PREB: variants seen among roughly 807,000 people sequenced by gnomAD.
PREB encodes guanine nucleotide-exchange factor SEC12.
In PREB, 29 loss-of-function variants were observed where a neutral mutation model predicts 46.7. The ratio of observed to expected loss-of-function variants is 0.62; its 90% CI spans 0.46 to 0.85. PREB has a LOEUF of 0.85. Among genes scored for constraint, PREB ranks in the 40% least tolerant of loss-of-function variants. PREB has a pLI of 0.00. For missense variants in PREB, 494 were observed against 528.4 expected (o/e 0.93, Z 0.64); for synonymous variants, 224 against 220.1 (o/e 1.02, Z -0.16).
At position 27,131,793 on chromosome 2, in the gene PREB, C is replaced by T; in HGVS notation, c.1038G>A (p.Val346=). ...TCTCAGGTAGAAAGGCCACATCCGTCACCACAATGCCATGGGCCTCCCTCA... is the reference window on the plus strand; with the variant it reads ...TCTCAGGTAGAAAGGCCACATCCGTTACCACAATGCCATGGGCCTCCCTCA... ...YYVREAHGIV[V]TDVAFLPEKG... is the part of the protein sequence containing the mutation. The change falls in exon 8 of 9, where the codon GTG becomes GTA. Residue 346 remains valine, a synonymous_variant. Coordinates refer to ENST00000260643, the MANE Select transcript of PREB (RefSeq NM_013388.6). 6.2e-7 allele frequency: 1 copy of T among 1,614,196 alleles called. No homozygotes were observed. The highest frequency in any genetic ancestry group is 8.5e-7 in the Non-Finnish European group (1 of 1,180,034).
Position 27,133,524 on chromosome 2 carries a change from C to T in PREB, c.325+8G>A. ...TTTCCCCAAGGGGGTAGAGAGGGAG[C>T]TCCTCACCGGCCTTCTCTGCCTTGT... On this transcript the variant is annotated splice_region_variant and intron_variant, in intron 2 of 8. Coordinates refer to ENST00000260643, the MANE Select transcript of PREB (RefSeq NM_013388.6). The T allele has an allele frequency of 6.2e-7, 1 of 1,611,732 alleles. No individual in the cohort carries two copies. Among genetic ancestry groups the T allele is most frequent in the East Asian group, 2.2e-5 (1 of 44,862 alleles).
chr2:27,133,952 T>TA, intron 1 of PREB: 3 of 612,332 alleles, frequency 4.9e-6, no homozygotes, highest in Admixed American at 6.3e-5. Context: ...GAACTTAGCC[T>TA]AAACCCAAAT....
At position 27,132,533 on chromosome 2, in the gene PREB, CCA is replaced by C. The variant is rs377374274; in HGVS notation, c.752+68_752+69del. 2.4e-3 allele frequency: 3,837 copies of C among 1,605,696 alleles called. 15 individuals are homozygous for C. The highest frequency in any genetic ancestry group is 2.1e-3 in the Non-Finnish European group (2,473 of 1,175,352). ...AAGTTCCTCCCCAGCTCTCCCATCC[CCA>C]GTCTTTTCCCTCTCCCCCACCACAG... is the stretch of plus-strand genomic sequence containing the variant. On this transcript the variant is annotated intron_variant, in intron 5 of 8. Coordinates refer to ENST00000260643, the MANE Select transcript of PREB (RefSeq NM_013388.6). This position sits in a 1 kb window ranked among gnomAD's most constrained non-coding sequence, Gnocchi z 4.0.
chr2:27,132,142 C>T lies in PREB; in HGVS notation c.927-60G>A. 2 of 1,609,128 alleles carry T rather than the reference C, an allele frequency of 1.2e-6. No homozygotes were observed. The highest frequency in any genetic ancestry group is 3.3e-5 in the Admixed American group (2 of 60,020). On this transcript the variant is annotated intron_variant, in intron 6 of 8. Transcript: ENST00000260643. The surrounding 1 kb of genome is among the most constrained non-coding windows in gnomAD (Gnocchi z 4.0). Reference sequence around the variant, plus strand: ...GGCTTGTGCAGCAACCCTCATACCCCAATACCGGTCCGTAGGGACCCAGGC... The same window carrying T: ...GGCTTGTGCAGCAACCCTCATACCCTAATACCGGTCCGTAGGGACCCAGGC...
At chr2:27,133,036 C>T (rs1672348781) in intron 3 of PREB, 81 bp downstream of exon 3, 4 of 1,584,910 alleles carry the variant, frequency 2.5e-6, no homozygotes, top group Non-Finnish European at 2.6e-6. Context: ...TCACAAGTTT[C>T]CCAGATGCCA....
chr2:27,132,787 A>G lies in PREB; in HGVS notation c.627+56T>C. ...TAGGGGATCCACTTACTGGGCAAGCAGCATAAGCACCTCCTCTCTCCTTTC... is the reference window on the plus strand; with the variant it reads ...TAGGGGATCCACTTACTGGGCAAGCGGCATAAGCACCTCCTCTCTCCTTTC... On this transcript the variant is annotated intron_variant, in intron 4 of 8. Transcript: ENST00000260643. The surrounding 1 kb of genome is among the most constrained non-coding windows in gnomAD (Gnocchi z 4.0). 1 of 1,613,374 alleles carries G rather than the reference A, an allele frequency of 6.2e-7. No individual in the cohort carries two copies. Among genetic ancestry groups the G allele is most frequent in the Non-Finnish European group, 8.5e-7 (1 of 1,179,338 alleles).
intron 3 of PREB, 55 bp downstream of exon 3, chr2:27,133,062 A>C: frequency 6.3e-7 from 1 of 1,596,970 alleles, no homozygotes; most frequent in Non-Finnish European, 8.6e-7. Context: ...AACTTCTCAC[A>C]ATTTTGATCC....
chr2:27,133,022 TCATTCACAAGTTTCC>T, intron 3 of PREB, 80 bp downstream of exon 3: 1 of 1,580,744 alleles, frequency 6.3e-7, no homozygotes, highest in Non-Finnish European at 8.7e-7. Context: ...AATGCAAGCT[TCATTCACAAGTTTCC>T]CAGATGCCAC....
At position 27,133,262 on chromosome 2, in the gene PREB, T is replaced by A; in HGVS notation, c.401A>T (p.His134Leu). The A allele has an allele frequency of 6.2e-7, 1 of 1,614,216 alleles. No homozygotes were observed. The highest frequency in any genetic ancestry group is 8.5e-7 in the Non-Finnish European group (1 of 1,180,034). Reference protein sequence around the residue: ...AEKKCGAETQHEGLELRVENL... With the variant: ...AEKKCGAETQLEGLELRVENL... ...CTCTACCCTGAGTTCTAGCCCCTCG[T>A]GCTGGGTTTCCGCTCCACATTTCTT... The change falls in exon 3 of 9, where the codon CAC (histidine) becomes CTC (leucine). Residue 134 changes from histidine to leucine, a missense_variant. His to Leu is a moderately conservative substitution (Grantham distance 99, BLOSUM62 -3). Coordinates refer to ENST00000260643, the MANE Select transcript of PREB (RefSeq NM_013388.6).
At position 27,134,064 on chromosome 2, in the gene PREB, G is replaced by T. The variant is rs189255185; in HGVS notation, c.135+223C>A. 2.1e-5 allele frequency: 14 copies of T among 669,486 alleles called. No homozygotes were observed. In the African/African-American group the frequency reaches 2.2e-4, roughly 11 times the overall value. 41.5% of individuals were successfully genotyped at this position (669,486 alleles called of 1,614,324 possible). A position where few individuals can be genotyped will look rare whatever the true frequency, so the allele number is the denominator to read the frequency against. On this transcript the variant is annotated intron_variant, in intron 1 of 8. Transcript: ENST00000260643. ...GAGGCGGAGCTGAAGCGTTCCTGGCGACTCTGCAGCTGTGTGCAGTTTTCA... is the reference window on the plus strand; with the variant it reads ...GAGGCGGAGCTGAAGCGTTCCTGGCTACTCTGCAGCTGTGTGCAGTTTTCA...
chr2:27,133,902 C>A lies in PREB; in HGVS notation c.136-181G>T, dbSNP rs1428638436. ...CAGTGAGCAGGACTGGGATTATTAC[C>A]TCTATTTTACAGAACAGGGTGAAGC... On this transcript the variant is annotated intron_variant, in intron 1 of 8. Coordinates refer to ENST00000260643, the MANE Select transcript of PREB (RefSeq NM_013388.6). The A allele has an allele frequency of 6.2e-6, 4 of 650,000 alleles. No individual in the cohort carries two copies. The Admixed American group carries it at 1.2e-4, about 19-fold the overall frequency. 40.3% of individuals were successfully genotyped at this position (650,000 alleles called of 1,614,324 possible).
In PREB at chr2:27,133,326, G is replaced by T; in HGVS notation, c.337C>A (p.Gln113Lys). The stretch of plus-strand genomic sequence containing the variant: ...GCTCCCTTCCTTTGTCGAGGCCCCT[G>T]CTCCTTGGAACCTGTAACACAAACA... The part of the protein sequence containing the change: ...NKAEKAGSKE[Q>K]GPRQRKGAAP... The change falls in exon 3 of 9, where the codon CAG becomes AAG. Residue 113 changes from glutamine (Q) to lysine (K), a missense_variant. Transcript: ENST00000260643. 1 of 1,614,038 alleles carries T rather than the reference G, an allele frequency of 6.2e-7. No individual in the cohort carries two copies. The highest frequency in any genetic ancestry group is 8.5e-7 in the Non-Finnish European group (1 of 1,180,026).
intron 8 of PREB, 27 bp downstream of exon 8, chr2:27,131,645 C>A (rs769585136): frequency 5.0e-6 from 8 of 1,610,842 alleles, no homozygotes; most frequent in African/African-American, 1.3e-5. Flanking sequence ...TGGGGTGGTG[C>A]CTGCCTGCCC....
In PREB at chr2:27,130,758, TG is replaced by T; in HGVS notation, c.*655del. 1 of 1,611,442 alleles carries T rather than the reference TG, an allele frequency of 6.2e-7. No individual in the cohort carries two copies. Among genetic ancestry groups the T allele is most frequent in the South Asian group, 1.1e-5 (1 of 91,032 alleles). On this transcript the variant is annotated 3_prime_UTR_variant, in exon 9 of 9. Coordinates refer to ENST00000260643, the MANE Select transcript of PREB (RefSeq NM_013388.6). ...AGAAACAGCTGACAAGAGTACCATT[TG>T]GGGTCTCAGTTCACTCTTTCCTTGT...
chr2:27,133,426 A>G, intron 2 of PREB, 89 bp from the exon 3 acceptor site: 7 of 1,595,438 alleles, frequency 4.4e-6, no homozygotes, highest in Non-Finnish European at 6.0e-6. Flanking sequence ...TACAACTTCT[A>G]GCTTGCTACC....
At position 27,131,398 on chromosome 2, in the gene PREB, C is replaced by T; in HGVS notation, c.*16G>A. On this transcript the variant is annotated 3_prime_UTR_variant, in exon 9 of 9. Coordinates refer to ENST00000260643, the MANE Select transcript of PREB (RefSeq NM_013388.6). ...ATGGCAGTGTCCAGGCTCCTGATTC[C>T]CAGGAAGCAGGGAAGCTAAAGGAAA... 1.9e-6 allele frequency: 3 copies of T among 1,541,010 alleles called. No individual in the cohort carries two copies. Among genetic ancestry groups the T allele is most frequent in the Non-Finnish European group, 2.6e-6 (3 of 1,136,884 alleles).
Position 27,133,584 on chromosome 2 carries a change from C to G in PREB, c.273G>C (p.Gln91His). Residue 91 changes from glutamine to histidine, a missense_variant, in exon 2 of 9, where the codon CAG becomes CAC. Coordinates refer to ENST00000260643, the MANE Select transcript of PREB (RefSeq NM_013388.6). ...ILAAGQDAHC[Q>H]LLRFQAHQQQ... ...GTTGATGTGCCTGGAAGCGCAGGAG[C>G]TGACAGTGGGCATCCTGCCCTGCAG... 6 of 1,614,158 alleles carry G rather than the reference C, an allele frequency of 3.7e-6. No individual in the cohort carries two copies. Among genetic ancestry groups the G allele is most frequent in the East Asian group, 2.2e-5 (1 of 44,890 alleles).
rs750916748 is a variant in PREB, at chr2:27,132,281, G to A, written c.875C>T (p.Pro292Leu). The A allele has an allele frequency of 6.2e-7, 1 of 1,614,180 alleles. No individual in the cohort carries two copies. Among genetic ancestry groups the A allele is most frequent in the South Asian group, 1.1e-5 (1 of 91,080 alleles). The change falls in exon 6 of 9, where the codon CCC (proline) becomes CTC (leucine). Residue 292 changes from proline (P) to leucine (L), a missense_variant. By Grantham distance (98) the Pro-to-Leu change is moderately conservative. Coordinates refer to ENST00000260643, the MANE Select transcript of PREB (RefSeq NM_013388.6). This position sits in a 1 kb window ranked among gnomAD's most constrained non-coding sequence, Gnocchi z 4.0. ...LTAWDGSNFL[P>L]LRTKSCGHEV... ...ATGGCCACAGGACTTGGTCCGAAGGGGCAAGAAGTTGGAGCCATCCCAGGC... is the reference window on the plus strand; with the variant it reads ...ATGGCCACAGGACTTGGTCCGAAGGAGCAAGAAGTTGGAGCCATCCCAGGC...
At position 27,131,721 on chromosome 2, in the gene PREB, G is replaced by C. The variant is rs755977098; in HGVS notation, c.1110C>G (p.Phe370Leu). ...GGCAACGACTGTCCACAGCCACAGA[G>C]AACAGGGCAGTTTCATGGGACCCAA... ...ELLGSHETALFSVAVDSRCQL... is the reference protein window; with the variant it reads ...ELLGSHETALLSVAVDSRCQL... Residue 370 changes from phenylalanine to leucine, a missense_variant, in exon 8 of 9, where the codon TTC (phenylalanine) becomes TTG (leucine). Phe to Leu is a conservative substitution (Grantham distance 22, BLOSUM62 0). Coordinates refer to ENST00000260643, the MANE Select transcript of PREB (RefSeq NM_013388.6). The C allele has an allele frequency of 6.2e-7, 1 of 1,614,222 alleles. No homozygotes were observed. Among genetic ancestry groups the C allele is most frequent in the South Asian group, 1.1e-5 (1 of 91,088 alleles).
Sources: gnomAD v4.1 joint callset for allele counts on GRCh38, gnomAD v4.1.1 for gene constraint, Gnocchi (gnomAD v3.1) non-coding constraint, MANE v1.5 for transcripts, NCBI Gene and HGNC (gene_info 2026-07-23, HGNC 2026-07-21) for gene names.